ANKUB1: variants seen among roughly 807,000 people sequenced by gnomAD.
The protein encoded by ANKUB1 is protein ANKUB1.
In ANKUB1, 42 loss-of-function variants were observed where a neutral mutation model predicts 49.3. The observed-to-expected ratio is 0.85, with a 90% CI of 0.67 to 1.10. ANKUB1 has a LOEUF of 1.10. ANKUB1 is among the 50% of genes least tolerant of loss of function. ANKUB1 has a pLI of 0.00. For missense variants in ANKUB1, 613 were observed against 642.0 expected, an observed-to-expected ratio of 0.95 and a Z score of 0.49; for synonymous variants, 222 against 231.0, an observed-to-expected ratio of 0.96 and a Z score of 0.35.
At chr3:149,776,723 G>A (rs538467662) in intron 3 of ANKUB1, among the ~76,000 whole-genome samples, 1 of 152,152 alleles carries the variant, frequency 6.6e-6, no homozygotes, top group Non-Finnish European at 1.5e-5. Context: ...CACTTTGGGA[G>A]GCCAAGGTGG....
chr3:149,789,664 C>G (rs1224009304), intron 2 of ANKUB1, among the ~76,000 whole-genome samples: 4 of 141,722 alleles, frequency 2.8e-5, no homozygotes, highest in East Asian at 4.1e-4. Context: ...GGGTCTCACT[C>G]TGTTGCCCAG....
At position 149,792,362 on chromosome 3, in the gene ANKUB1, C is replaced by G. The variant is rs1424433408; in HGVS notation, c.5G>C (p.Arg2Thr). Reference protein sequence around the residue: MRIFIAFEGSFE... With the variant: MTIFIAFEGSFE... ...AGATCCTTCAAAGGCGATGAAAATC[C>G]TCATTGTACAATTACCTTTTCAAAC... Residue 2 changes from arginine to threonine, a missense_variant, in exon 1 of 6, where the codon AGG becomes ACG. By Grantham distance (71) the Arg-to-Thr change is moderately conservative (BLOSUM62 -1). Coordinates refer to ENST00000446160, the MANE Select transcript of ANKUB1 (RefSeq NM_001144960.3). 2.0e-6 allele frequency: 3 copies of G among 1,501,300 alleles called. No homozygotes were observed. The Admixed American group carries it at 6.8e-5, about 34-fold the overall frequency. The allele number at this position is 1,501,300 out of a possible 1,614,324, so 93.0% of individuals were successfully genotyped here. A position where few individuals can be genotyped will look rare whatever the true frequency, so the allele number is the denominator to read the frequency against.
chr3:149,790,927 T>G lies in ANKUB1; in HGVS notation c.91-3A>C. ...GAGAGAGGAATGTGGAAATAATCCT[T>G]AAAAATCAATAGCATATTATGAAAA... On this transcript the variant is annotated splice_region_variant and splice_polypyrimidine_tract_variant and intron_variant, in intron 1 of 5. Coordinates refer to ENST00000446160, the MANE Select transcript of ANKUB1 (RefSeq NM_001144960.3). 1.3e-6 allele frequency: 2 copies of G among 1,550,694 alleles called. No homozygotes were observed. The highest frequency in any genetic ancestry group is 4.9e-5 in the East Asian group (2 of 40,890).
At chr3:149,771,718 T>C (rs1191711637) in intron 3 of ANKUB1, among the ~76,000 whole-genome samples, 1 of 152,142 alleles carries the variant, frequency 6.6e-6, no homozygotes, top group East Asian at 1.9e-4. Flanking sequence ...TGACACTTGG[T>C]AGGTGCTCAC....
chr3:149,777,475 C>CAAACAA (rs767034949), intron 3 of ANKUB1, among the ~76,000 whole-genome samples: 1 of 125,114 alleles, frequency 8.0e-6, no homozygotes, highest in East Asian at 4.2e-4. Context: ...GACTCAAAAA[C>CAAACAA]AAACAACAAC....
At position 149,770,603 on chromosome 3, in the gene ANKUB1, G is replaced by A. The variant is rs780059608; in HGVS notation, c.523C>T (p.Leu175Phe). 2.6e-6 allele frequency: 4 copies of A among 1,550,370 alleles called. No homozygotes were observed. The South Asian group carries it at 4.8e-5, about 19-fold the overall frequency. ...FLMGCLLGQK[L>F]KVQRYLSKEG... Reference sequence around the variant, plus strand: ...TTTGATAAGTAGCGTTGGACTTTAAGTTTTTGTCCAAGGAGACAACCCATC... The same window carrying A: ...TTTGATAAGTAGCGTTGGACTTTAAATTTTTGTCCAAGGAGACAACCCATC... Residue 175 changes from leucine (L) to phenylalanine (F), a missense_variant, in exon 4 of 6, where the codon CTT becomes TTT. By Grantham distance (22) the Leu-to-Phe change is conservative (BLOSUM62 0). Coordinates refer to ENST00000446160, the MANE Select transcript of ANKUB1 (RefSeq NM_001144960.3).
At position 149,789,718 on chromosome 3, in the gene ANKUB1, C is replaced by T. The variant is rs182073167; in HGVS notation, c.234+1063G>A. 8.7e-3 allele frequency among the ~76,000 whole-genome samples: 1,316 copies of T among 151,962 alleles called. 13 individuals are homozygous for T. Among genetic ancestry groups the T allele is most frequent in the East Asian group, 0.041 (211 of 5,176 alleles). On this transcript the variant is annotated intron_variant, in intron 2 of 5. Coordinates refer to ENST00000446160, the MANE Select transcript of ANKUB1 (RefSeq NM_001144960.3). ...GAGCTCAGCTCACTGCAACCTCCCC[C>T]TCCTGGGTTCAAGTGATTCTCCTGC...
intron 3 of ANKUB1, among the ~76,000 whole-genome samples, chr3:149,772,928 C>CTT (rs1328130280): frequency 1.3e-5 from 2 of 152,152 alleles, no homozygotes; most frequent in Non-Finnish European, 2.9e-5. Flanking sequence ...TTTCAGAACA[C>CTT]CAGTAATCTT....
intron 2 of ANKUB1, among the ~76,000 whole-genome samples, chr3:149,784,096 A>T (rs80095943): frequency 0.017 from 2,608 of 152,306 alleles, 79 homozygotes; most frequent in African/African-American, 0.059. Context: ...AGATAGTACA[A>T]ACTTCTCTAA....
intron 5 of ANKUB1, 41 bp from the exon 6 acceptor site, chr3:149,761,654 T>C (rs775259355): frequency 1.3e-6 from 2 of 1,539,884 alleles, no homozygotes; most frequent in African/African-American, 2.8e-5. Context: ...AGGTCTGATC[T>C]TGTCTGCATA....
At chr3:149,774,979 ACCTT>A (rs1717529684) in intron 3 of ANKUB1, among the ~76,000 whole-genome samples, 2 of 152,162 alleles carry the variant, frequency 1.3e-5, no homozygotes, top group Non-Finnish European at 2.9e-5. Flanking sequence ...GCCCCTCACT[ACCTT>A]CTATAGAGCC....
chr3:149,782,090 A>G (rs2108276547), intron 2 of ANKUB1, among the ~76,000 whole-genome samples: 1 of 152,312 alleles, frequency 6.6e-6, no homozygotes, highest in East Asian at 1.9e-4. Context: ...AGATAGTGGG[A>G]AAGAGAGAAA....
chr3:149,790,237 A>T (rs1363724693), intron 2 of ANKUB1, among the ~76,000 whole-genome samples: 5 of 152,144 alleles, frequency 3.3e-5, no homozygotes, highest in African/African-American at 1.2e-4. Flanking sequence ...GGGTTTTTTA[A>T]GGTTCTTAAA....
intron 2 of ANKUB1, among the ~76,000 whole-genome samples, chr3:149,790,029 A>G (rs1291450915): frequency 2.0e-5 from 3 of 152,182 alleles, no homozygotes; most frequent in African/African-American, 7.2e-5. Context: ...TTTAGCGGAG[A>G]ATGTATACTT....
chr3:149,786,023 T>C (rs1053187480), intron 2 of ANKUB1, among the ~76,000 whole-genome samples: 1 of 151,716 alleles, frequency 6.6e-6, no homozygotes, highest in African/African-American at 2.4e-5. Context: ...GATGATGAGC[T>C]TTTATTTATT....
chr3:149,790,924 C>T lies in ANKUB1; in HGVS notation c.91G>A (p.Asp31Asn). The part of the protein sequence containing the change: ...TVEVVKLMIK[D>N]YFHIPLSEDK... The stretch of plus-strand genomic sequence containing the variant: ...TCAGAGAGAGGAATGTGGAAATAAT[C>T]CTTAAAAATCAATAGCATATTATGA... Residue 31 changes from aspartate to asparagine, a missense_variant and splice_region_variant, in exon 2 of 6, where the codon GAT becomes AAT. Transcript: ENST00000446160. The T allele has an allele frequency of 7.1e-6, 11 of 1,550,854 alleles. No individual in the cohort carries two copies. The highest frequency in any genetic ancestry group is 9.6e-6 in the Non-Finnish European group (11 of 1,146,604).
intron 2 of ANKUB1, among the ~76,000 whole-genome samples, chr3:149,787,431 C>A (rs575074740): frequency 4.6e-5 from 7 of 152,282 alleles, no homozygotes; most frequent in Admixed American, 3.9e-4. Flanking sequence ...TATCCTGAGA[C>A]TTTGCTGAAG....
At chr3:149,783,007 G>T (rs1197694553) in intron 2 of ANKUB1, 2 of 151,870 alleles carry the variant, frequency 1.3e-5, no homozygotes, top group Admixed American at 1.3e-4. Context: ...AATAAATGTT[G>T]AATGACATCC....
chr3:149,761,392 A>G lies in ANKUB1; in HGVS notation c.*92T>C. 7.2e-7 allele frequency: 1 copy of G among 1,392,320 alleles called. No individual in the cohort carries two copies. Among genetic ancestry groups the G allele is most frequent in the Non-Finnish European group, 9.7e-7 (1 of 1,030,798 alleles). The allele number at this position is 1,392,320 out of a possible 1,614,324, so 86.2% of individuals were successfully genotyped here. A position where few individuals can be genotyped will look rare whatever the true frequency, so the allele number is the denominator to read the frequency against. On this transcript the variant is annotated 3_prime_UTR_variant, in exon 6 of 6. Coordinates refer to ENST00000446160, the MANE Select transcript of ANKUB1 (RefSeq NM_001144960.3). ...GGCATTATAACTGTTACTAGAGATG[A>G]TAACATTAGAACTGTTATTAGAAAT...
Sources: allele counts gnomAD v4.1 joint callset (sites outside exome capture counted in the v4.1 genomes callset), GRCh38; gene constraint gnomAD v4.1.1; transcripts MANE v1.5; gene names NCBI Gene and HGNC (gene_info 2026-07-23, HGNC 2026-07-21).